The following INPP4B variants were observed in gnomAD, a reference collection of about 807,000 sequenced individuals.
INPP4B encodes the protein inositol polyphosphate-4-phosphatase type II B.
INPP4B carries 55 observed loss-of-function variants against 122.5 expected under a neutral mutation model. The ratio of observed to expected loss-of-function variants is 0.45; its 90% confidence interval spans 0.36 to 0.56. The LOEUF (loss-of-function observed/expected upper bound fraction) is 0.56, where lower values mean the gene tolerates loss of function less well. INPP4B is among the 20% of genes least tolerant of loss of function. The pLI is 0.00. For missense variants in INPP4B, 1,000 were observed against 1,097.7 expected, an observed-to-expected ratio of 0.91 and a Z score of 1.26; for synonymous variants, 403 against 388.7, an observed-to-expected ratio of 1.04 and a Z score of -0.43.
chr4:142,173,879 G>C, intron 15 of INPP4B, 70 bp from the exon 16 acceptor site: 1 of 1,214,062 alleles, frequency 8.2e-7, no homozygotes, highest in Non-Finnish European at 1.2e-6. Flanking sequence ...ATATCAGATG[G>C]CAAATGATAA....
chr4:142,457,383 G>C (rs1442881788), intron 3 of INPP4B, among the ~76,000 whole-genome samples: 1 of 152,076 alleles, frequency 6.6e-6, no homozygotes, highest in African/African-American at 2.4e-5. Flanking sequence ...AAACTTATAT[G>C]TGATCAGGAA....
chr4:142,542,045 T>G (rs1829005431), intron 2 of INPP4B, among the ~76,000 whole-genome samples: 1 of 152,164 alleles, frequency 6.6e-6, no homozygotes, highest in Non-Finnish European at 1.5e-5. Context: ...TCCTGCAAGT[T>G]CCAGAGTGCA....
At chr4:142,814,240 A>C (rs1006095059) in intron 1 of INPP4B, among the ~76,000 whole-genome samples, 1 of 152,200 alleles carries the variant, frequency 6.6e-6, no homozygotes, top group African/African-American at 2.4e-5. Context: ...TCTTCAAGCA[A>C]AAACAAAATG....
At chr4:142,512,390 C>T (rs571498928) in intron 2 of INPP4B, among the ~76,000 whole-genome samples, 39 of 152,150 alleles carry the variant, frequency 2.6e-4, no homozygotes, top group Admixed American at 1.4e-3. Flanking sequence ...ACTATAAACC[C>T]GATATTACTA....
intron 7 of INPP4B, among the ~76,000 whole-genome samples, chr4:142,388,618 G>A (rs1264173313): frequency 6.6e-6 from 1 of 152,102 alleles, no homozygotes; most frequent in African/African-American, 2.4e-5. Flanking sequence ...GTTTTGTATT[G>A]AGTTATCTGA....
chr4:142,255,352 C>G (rs988770986), intron 11 of INPP4B, among the ~76,000 whole-genome samples: 5 of 151,370 alleles, frequency 3.3e-5, no homozygotes, highest in Admixed American at 2.0e-4. Context: ...TCACACATAA[C>G]AATATTAACT....
chr4:142,473,534 C>T (rs1819265789), intron 2 of INPP4B: 1 of 152,608 alleles, frequency 6.6e-6, no homozygotes, highest in East Asian at 1.9e-4. Flanking sequence ...AGGCAACTCT[C>T]AAAGTGCAAG....
chr4:142,129,624 A>G (rs1467543307), intron 18 of INPP4B, among the ~76,000 whole-genome samples: 3 of 152,124 alleles, frequency 2.0e-5, no homozygotes, highest in Non-Finnish European at 4.4e-5. Flanking sequence ...ATTCCAGACA[A>G]TAGAAGAGTA....
chr4:142,554,855 G>T lies in INPP4B; in HGVS notation c.-190-92129C>A, dbSNP rs574655217. Among the ~76,000 whole-genome samples, 141 of 152,178 alleles carry T rather than the reference G, an allele frequency of 9.3e-4. 1 individual carries two copies. The highest frequency in any genetic ancestry group is 1.9e-3 in the Non-Finnish European group (129 of 68,026). Reference sequence around the variant, plus strand: ...CACATCCAAAAAGAGTTTGAAAAATGATGCATTAAACATACCATGTTTTTC... The same window carrying T: ...CACATCCAAAAAGAGTTTGAAAAATTATGCATTAAACATACCATGTTTTTC... On this transcript the variant is annotated intron_variant, in intron 2 of 25. Coordinates refer to ENST00000262992, the MANE Select transcript of INPP4B (RefSeq NM_001101669.3).
chr4:142,418,272 G>T (rs1334012682), intron 5 of INPP4B, among the ~76,000 whole-genome samples: 2 of 151,790 alleles, frequency 1.3e-5, no homozygotes, highest in Non-Finnish European at 2.9e-5. Context: ...AATTGTGTTG[G>T]CAATAATTAT....
At chr4:142,730,286 C>T (rs182172095) in intron 1 of INPP4B, among the ~76,000 whole-genome samples, 4 of 152,144 alleles carry the variant, frequency 2.6e-5, no homozygotes, top group Non-Finnish European at 5.9e-5. Flanking sequence ...TCCAATTTCA[C>T]ATCATATGAT....
At chr4:142,248,824 T>C (rs1303637621) in intron 11 of INPP4B, among the ~76,000 whole-genome samples, 3 of 152,084 alleles carry the variant, frequency 2.0e-5, no homozygotes, top group African/African-American at 7.2e-5. Flanking sequence ...ACCAATAAAT[T>C]GTTCACCAAA....
chr4:142,169,391 T>A (rs1824427867), intron 16 of INPP4B, among the ~76,000 whole-genome samples: 1 of 151,658 alleles, frequency 6.6e-6, no homozygotes, highest in South Asian at 2.1e-4. Flanking sequence ...GGGACTGAGA[T>A]AGACCCAGGA....
At chr4:142,038,555 G>C (rs1238758838) in intron 25 of INPP4B, among the ~76,000 whole-genome samples, 3 of 152,110 alleles carry the variant, frequency 2.0e-5, no homozygotes, top group Admixed American at 2.0e-4. Context: ...TACTTTTCTT[G>C]ACATGGTATT....
chr4:142,188,518 A>AATATATATATATATAT (rs1834283430), intron 15 of INPP4B, among the ~76,000 whole-genome samples: 17 of 105,094 alleles, frequency 1.6e-4, no homozygotes, highest in Non-Finnish European at 2.4e-4. Context: ...AAAGAAAAAA[A>AATATATATATATATAT]ATATATATAG....
chr4:142,642,741 G>C (rs1234660582), intron 2 of INPP4B, among the ~76,000 whole-genome samples: 1 of 152,120 alleles, frequency 6.6e-6, no homozygotes, highest in Admixed American at 6.6e-5. Flanking sequence ...GGATTGACTT[G>C]GTGATGCGGG....
intron 10 of INPP4B, among the ~76,000 whole-genome samples, chr4:142,265,382 T>C (rs1742248963): frequency 6.6e-6 from 1 of 152,226 alleles, no homozygotes; most frequent in Non-Finnish European, 1.5e-5. Flanking sequence ...TTCAGTTACT[T>C]TCTCTTTCCA....
At chr4:142,665,507 A>AAAAG (rs1553986563) in intron 2 of INPP4B, among the ~76,000 whole-genome samples, 27 of 149,966 alleles carry the variant, frequency 1.8e-4, no homozygotes, top group African/African-American at 4.5e-4. Context: ...AAAAAAAAAA[A>AAAAG]AAAGAAAGAA....
intron 10 of INPP4B, among the ~76,000 whole-genome samples, chr4:142,261,943 C>T (rs1301867756): frequency 6.6e-6 from 1 of 152,082 alleles, no homozygotes. Context: ...CTGAAAACAG[C>T]TCTTAAAATT....
Sources: gnomAD v4.1 joint callset for allele counts (sites outside exome capture counted in the v4.1 genomes callset) on GRCh38, gnomAD v4.1.1 for gene constraint, MANE v1.5 for transcripts, NCBI Gene and HGNC (gene_info 2026-07-23, HGNC 2026-07-21) for gene names.